Variants in TOGARAM2 observed in about 807,000 individuals in gnomAD.
The protein encoded by TOGARAM2 is TOG array regulator of axonemal microtubules protein 2.
In TOGARAM2, 85 loss-of-function variants were observed where a neutral mutation model predicts 93.3. The ratio of observed to expected loss-of-function variants is 0.91; its 90% CI spans 0.76 to 1.09. The LOEUF is 1.09. Ranked by LOEUF, TOGARAM2 falls within the 50% of genes least tolerant of loss-of-function variation. The probability of loss-of-function intolerance (pLI) is 0.00; values close to 1 mark genes in which losing one functional copy is unlikely to be tolerated. For missense variants in TOGARAM2, 1,277 were observed against 1,334.5 expected (o/e 0.96, Z 0.67); for synonymous variants, 593 against 552.8 (o/e 1.07, Z -1.02).
chr2:29,039,799 T>A (rs1455327917), intron 18 of TOGARAM2, among the ~76,000 whole-genome samples: 1 of 152,206 alleles, frequency 6.6e-6, no homozygotes, highest in African/African-American at 2.4e-5. Flanking sequence ...ATCAAGGAAG[T>A]TCCTGAGTAG....
intron 1 of TOGARAM2, among the ~76,000 whole-genome samples, chr2:28,971,553 G>T (rs1434503725): frequency 1.3e-5 from 2 of 152,266 alleles, no homozygotes; most frequent in South Asian, 4.1e-4. Flanking sequence ...TGGGGGTGTG[G>T]GAGGGATCCT....
intron 1 of TOGARAM2, among the ~76,000 whole-genome samples, chr2:28,963,077 C>T (rs1671821703): frequency 6.6e-6 from 1 of 152,074 alleles, no homozygotes; most frequent in Admixed American, 6.6e-5. Context: ...ATCTTCCCAC[C>T]TCAGCCTCTG....
chr2:29,040,361 GA>G (rs532225577), intron 18 of TOGARAM2, among the ~76,000 whole-genome samples: 6 of 152,122 alleles, frequency 3.9e-5, no homozygotes, highest in Admixed American at 3.3e-4. Flanking sequence ...TTTGAAAGGG[GA>G]AAAAAATCCC....
Position 28,994,763 on chromosome 2 carries a change from A to G in TOGARAM2, c.-72A>G. On this transcript the variant is annotated 5_prime_UTR_variant, in exon 2 of 20. Coordinates refer to ENST00000379558, the MANE Select transcript of TOGARAM2 (RefSeq NM_199280.4). The stretch of plus-strand genomic sequence containing the variant: ...CAGGTCAGAGCCCTCCAGACCCCCA[A>G]GGACTGTACTCACTGCCCAGAAATA... The G allele has an allele frequency of 6.6e-7, 1 of 1,509,238 alleles. No individual in the cohort carries two copies. Among genetic ancestry groups the G allele is most frequent in the South Asian group, 1.2e-5 (1 of 83,150 alleles). 93.5% of individuals were successfully genotyped at this position (1,509,238 alleles called of 1,614,324 possible). A position where few individuals can be genotyped will look rare whatever the true frequency, so the allele number is the denominator to read the frequency against.
In TOGARAM2 at chr2:29,035,633, C is replaced by T; in HGVS notation, c.2395C>T (p.Leu799Phe). The change falls in exon 17 of 20, where the codon CTT becomes TTT. Residue 799 changes from leucine (L) to phenylalanine (F), a missense_variant. Leu to Phe is a conservative substitution (Grantham distance 22, BLOSUM62 0). Coordinates refer to ENST00000379558, the MANE Select transcript of TOGARAM2 (RefSeq NM_199280.4). Reference sequence around the variant, plus strand: ...GGAGCTCTGCAAGGCCAAGACGGAGCTTGTCACTGCCCACCTGGTCCAGGT... The same window carrying T: ...GGAGCTCTGCAAGGCCAAGACGGAGTTTGTCACTGCCCACCTGGTCCAGGT... ...LLELCKAKTE[L>F]VTAHLVQVFD... The T allele has an allele frequency of 6.6e-7, 1 of 1,522,956 alleles. No individual in the cohort carries two copies. Among genetic ancestry groups the T allele is most frequent in the Non-Finnish European group, 8.8e-7 (1 of 1,132,450 alleles). 94.3% of individuals were successfully genotyped at this position (1,522,956 alleles called of 1,614,324 possible). A position where few individuals can be genotyped will look rare whatever the true frequency, so the allele number is the denominator to read the frequency against.
chr2:28,994,496 T>C (rs1672894629), intron 1 of TOGARAM2, among the ~76,000 whole-genome samples: 1 of 152,094 alleles, frequency 6.6e-6, no homozygotes, highest in South Asian at 2.1e-4. Context: ...GATGGCAGGT[T>C]GATGGGTTTT....
chr2:29,038,786 A>C (rs1039077644), intron 18 of TOGARAM2, among the ~76,000 whole-genome samples: 15 of 152,202 alleles, frequency 9.9e-5, no homozygotes, highest in Admixed American at 3.3e-4. Flanking sequence ...GAGCAGGTGA[A>C]GCATGGGCTA....
upstream of TOGARAM2, among the ~76,000 whole-genome samples, chr2:28,979,050 T>C (rs1247461940): frequency 1.3e-5 from 2 of 152,180 alleles, no homozygotes; most frequent in African/African-American, 4.8e-5. Flanking sequence ...CGTGTCCCTT[T>C]CTTTCTGAGG....
intron 1 of TOGARAM2, among the ~76,000 whole-genome samples, chr2:28,992,290 A>T (rs1490842201): frequency 2.0e-5 from 3 of 152,120 alleles, no homozygotes; most frequent in African/African-American, 7.2e-5. Flanking sequence ...TGTCCATAGC[A>T]GCTTTGGCCA....
At chr2:29,004,089 G>A (rs1572674624) in intron 6 of TOGARAM2, among the ~76,000 whole-genome samples, 1 of 152,266 alleles carries the variant, frequency 6.6e-6, no homozygotes, top group African/African-American at 2.4e-5. Context: ...TCCGCCTCCC[G>A]GGTTCAAGCG....
At chr2:29,011,317 C>T in intron 6 of TOGARAM2, 138 bp from the exon 7 acceptor site, 1 of 687,330 alleles carries the variant, frequency 1.5e-6, no homozygotes, top group South Asian at 1.8e-5. Flanking sequence ...GGCCAAGAGC[C>T]TCTGCAGGGA....
upstream of TOGARAM2, among the ~76,000 whole-genome samples, chr2:28,978,648 G>A (rs956042338): frequency 6.6e-6 from 1 of 152,180 alleles, no homozygotes; most frequent in Non-Finnish European, 1.5e-5. Flanking sequence ...TATCCCCTGT[G>A]GATGTGGAGG....
At chr2:28,994,927 TC>T in intron 2 of TOGARAM2, 65 bp downstream of exon 2, 1 of 1,535,106 alleles carries the variant, frequency 6.5e-7, no homozygotes. Flanking sequence ...CCTCGGACAC[TC>T]CCAAGGGCCA....
At chr2:28,957,823 GT>G (rs957931981) in intron 1 of TOGARAM2, among the ~76,000 whole-genome samples, 23 of 151,998 alleles carry the variant, frequency 1.5e-4, no homozygotes, top group Non-Finnish European at 2.9e-4. Context: ...TAGGAGAGGT[GT>G]TTTTTTGTTT....
At chr2:28,960,139 G>T (rs1201344937) in intron 1 of TOGARAM2, among the ~76,000 whole-genome samples, 2 of 152,214 alleles carry the variant, frequency 1.3e-5, no homozygotes, top group Non-Finnish European at 2.9e-5. Context: ...TCATTATGCA[G>T]TCCATGACTA....
At position 28,991,031 on chromosome 2, in the gene TOGARAM2, TG is replaced by T. The variant is rs1558406586; in HGVS notation, c.-110-3693del. The stretch of plus-strand genomic sequence containing the variant: ...GTGTGTGTGTGTGTGTGTGTGTGTG[TG>T]TGTGTGTGGCTTTTCCCCAGGGAAA... On this transcript the variant is annotated intron_variant, in intron 1 of 19. Transcript: ENST00000379558. Among the ~76,000 whole-genome samples the T allele has an allele frequency of 4.1e-3, 581 of 140,702 alleles. 3 individuals are homozygous for T. The highest frequency in any genetic ancestry group is 0.013 in the African/African-American group (478 of 35,678). The allele number at this position is 140,702 out of a possible 152,430, so 92.3% of individuals were successfully genotyped here. A position where few individuals can be genotyped will look rare whatever the true frequency, so the allele number is the denominator to read the frequency against.
intron 1 of TOGARAM2, among the ~76,000 whole-genome samples, chr2:28,992,477 C>T (rs1266802327): frequency 6.6e-6 from 1 of 152,034 alleles, no homozygotes; most frequent in Non-Finnish European, 1.5e-5. Flanking sequence ...CCAGGGGGAA[C>T]CTGGGCTGCC....
At chr2:28,971,617 G>T (rs1251086047) in intron 1 of TOGARAM2, among the ~76,000 whole-genome samples, 1 of 152,082 alleles carries the variant, frequency 6.6e-6, no homozygotes, top group Non-Finnish European at 1.5e-5. Flanking sequence ...GACTCCTGAG[G>T]CTGGTTTTGT....
At chr2:29,028,624 A>T (rs995530297) in intron 14 of TOGARAM2, among the ~76,000 whole-genome samples, 4 of 142,258 alleles carry the variant, frequency 2.8e-5, no homozygotes, top group African/African-American at 8.3e-5. Flanking sequence ...CTTTATAATT[A>T]AAAAAAAAAG....
Sources: gnomAD v4.1 joint callset for allele counts (sites outside exome capture counted in the v4.1 genomes callset) on GRCh38, gnomAD v4.1.1 for gene constraint, MANE v1.5 for transcripts, NCBI Gene and HGNC (gene_info 2026-07-23, HGNC 2026-07-21) for gene names.